The following SLC4A7 variants were observed in gnomAD, a reference collection of about 807,000 sequenced individuals.
The protein encoded by SLC4A7 is solute carrier family 4 member 7, also known as sodium bicarbonate cotransporter 3.
A neutral mutation model predicts 137.6 loss-of-function variants in SLC4A7; 51 were observed. That is an observed-to-expected ratio of 0.37 (90% CI 0.30 to 0.47). SLC4A7 has a LOEUF of 0.47. Ranked by LOEUF, SLC4A7 falls within the 20% of genes least tolerant of loss-of-function variation. SLC4A7 has a pLI of 1.00. For synonymous variants in SLC4A7, 542 were observed against 518.6 expected (o/e 1.05, Z -0.61); for missense variants, 1,247 against 1,525.4 (o/e 0.82, Z 3.04).
intron 7 of SLC4A7, among the ~76,000 whole-genome samples, chr3:27,425,370 TAAAAAA>T (rs56153970): frequency 0.03 from 1,737 of 57,014 alleles, 47 homozygotes; most frequent in African/African-American, 0.11. Flanking sequence ...AACTCCGTCC[TAAAAAA>T]AAAAAAAAAA....
chr3:27,388,884 G>A (rs1263235128), intron 22 of SLC4A7, among the ~76,000 whole-genome samples: 2 of 113,184 alleles, frequency 1.8e-5, no homozygotes, highest in Non-Finnish European at 4.8e-5. Context: ...AGCCTAAAAT[G>A]TTTACTATCT....
intron 5 of SLC4A7, among the ~76,000 whole-genome samples, chr3:27,434,843 C>T (rs13327052): frequency 3.6e-4 from 54 of 151,932 alleles, no homozygotes; most frequent in African/African-American, 1.2e-3. Context: ...AAAAAAAACC[C>T]TGGAAGGACC....
At chr3:27,397,907 T>G in intron 17 of SLC4A7, 110 bp from the exon 18 acceptor site, 1 of 662,210 alleles carries the variant, frequency 1.5e-6, no homozygotes, top group South Asian at 2.1e-5. Flanking sequence ...AAATGGAGCT[T>G]TTAACTAGTG....
chr3:27,432,146 TTAAG>T (rs1431591750), intron 6 of SLC4A7, among the ~76,000 whole-genome samples: 2 of 152,176 alleles, frequency 1.3e-5, no homozygotes, highest in African/African-American at 4.8e-5. Context: ...CATGTTAACA[TTAAG>T]TAATAATTTC....
chr3:27,448,456 A>G (rs1287280740), intron 3 of SLC4A7, among the ~76,000 whole-genome samples, 195 bp downstream of exon 3: 3 of 151,952 alleles, frequency 2.0e-5, no homozygotes, highest in Admixed American at 2.0e-4. Flanking sequence ...CTTGACCTAT[A>G]AAGATTTTTC....
chr3:27,438,934 G>T (rs187315037), intron 3 of SLC4A7, among the ~76,000 whole-genome samples: 49 of 152,292 alleles, frequency 3.2e-4, no homozygotes, highest in Admixed American at 1.5e-3. Flanking sequence ...CCCACTCATG[G>T]CGTCTGAAAT....
rs539466491 is a variant in SLC4A7 at position 27,400,977 on chromosome 3, T to A, written c.2322-108A>T. ...GATTTTAACTTCTTTTTTTCCCACA[T>A]TGAGAAGCATGGAGACTAGAAAGTG... On this transcript the variant is annotated intron_variant, in intron 15 of 25. Coordinates refer to ENST00000454389, the MANE Select transcript of SLC4A7 (RefSeq NM_001321103.2). 88 of 620,102 alleles carry A rather than the reference T, an allele frequency of 1.4e-4. 2 individuals are homozygous for A. The South Asian group carries it at 2.0e-3, about 14-fold the overall frequency. The allele number at this position is 620,102 out of a possible 1,614,324, so 38.4% of individuals were successfully genotyped here.
chr3:27,399,640 C>G (rs2052553201), intron 16 of SLC4A7, among the ~76,000 whole-genome samples: 1 of 147,088 alleles, frequency 6.8e-6, no homozygotes, highest in Admixed American at 6.7e-5. Flanking sequence ...CTATGTTGCC[C>G]AGGCTGGTCT....
chr3:27,431,686 A>G lies in SLC4A7; in HGVS notation c.779-17T>C, dbSNP rs1559751469. On this transcript the variant is annotated splice_polypyrimidine_tract_variant and intron_variant, in intron 6 of 25. Transcript: ENST00000454389. ...GGCCTTCCCCTGAGATAAAACAAAT[A>G]AATGAAAAATGATGAAGTCCACTGC... The G allele has an allele frequency of 6.6e-7, 1 of 1,510,400 alleles. No individual in the cohort carries two copies. Among genetic ancestry groups the G allele is most frequent in the Non-Finnish European group, 8.9e-7 (1 of 1,129,662 alleles). The allele number at this position is 1,510,400 out of a possible 1,614,324, so 93.6% of individuals were successfully genotyped here.
At chr3:27,423,615 A>G (rs892402290) in intron 8 of SLC4A7, 7 of 154,606 alleles carry the variant, frequency 4.5e-5, no homozygotes, top group African/African-American at 1.7e-4. Flanking sequence ...ACCATAAGAC[A>G]GTAATTCTGG....
chr3:27,466,127 G>A (rs1485911228), intron 1 of SLC4A7, among the ~76,000 whole-genome samples: 1 of 152,016 alleles, frequency 6.6e-6, no homozygotes, highest in Non-Finnish European at 1.5e-5. Context: ...ACAAAGCAGA[G>A]GGCCCATGTT....
chr3:27,464,680 G>A (rs936155970), intron 1 of SLC4A7, among the ~76,000 whole-genome samples: 44 of 151,926 alleles, frequency 2.9e-4, no homozygotes, highest in African/African-American at 9.2e-4. Flanking sequence ...GCAACAGAGC[G>A]GGACTCCGTC....
At chr3:27,401,190 C>T (rs2052709555) in intron 15 of SLC4A7, 1 of 206,616 alleles carries the variant, frequency 4.8e-6, no homozygotes, top group South Asian at 9.5e-5. Context: ...AGCTTATCTA[C>T]TCAACCTCCA....
intron 1 of SLC4A7, chr3:27,462,576 T>G (rs1259928968): frequency 6.5e-6 from 1 of 152,892 alleles, no homozygotes; most frequent in Non-Finnish European, 1.5e-5. Context: ...CCGAAGATGA[T>G]GTGTGCTGGC....
rs554991817 is a variant in SLC4A7 at position 27,467,782 on chromosome 3, T to C, written c.61-15284A>G. ...CATCTAGTGGTTATGATTAGAACCA[T>C]GGAATTTTTCTCTCATGCTGTGATT... On this transcript the variant is annotated intron_variant, in intron 1 of 25. Transcript: ENST00000454389. Among the ~76,000 whole-genome samples the C allele has an allele frequency of 2.0e-5, 3 of 152,322 alleles. No homozygotes were observed. In the East Asian group the frequency reaches 5.8e-4, roughly 29 times the overall value.
In SLC4A7 at chr3:27,443,017, CTTTTTTCT is replaced by C. The variant is rs1374912845; in HGVS notation, c.290-5499_290-5492del. On this transcript the variant is annotated intron_variant, in intron 3 of 25. Coordinates refer to ENST00000454389, the MANE Select transcript of SLC4A7 (RefSeq NM_001321103.2). The stretch of plus-strand genomic sequence containing the variant: ...CATTAGCCACCGCGCTGGGCATTCT[CTTTTTTCT>C]TTTTTTCTTTTTTTTTTTTTTTTTG... 5.2e-3 allele frequency among the ~76,000 whole-genome samples: 646 copies of C among 124,214 alleles called. 6 individuals carry two copies. The highest frequency in any genetic ancestry group is 0.018 in the African/African-American group (540 of 30,452). The allele number at this position is 124,214 out of a possible 152,430, so 81.5% of individuals were successfully genotyped here.
At chr3:27,436,362 T>A (rs1009538285) in intron 5 of SLC4A7, 26 bp downstream of exon 5, 2 of 1,578,098 alleles carry the variant, frequency 1.3e-6, no homozygotes, top group African/African-American at 2.7e-5. Context: ...ACCTTACATA[T>A]TTTTTAAAAG....
chr3:27,386,810 C>T (rs1045963026), intron 22 of SLC4A7, among the ~76,000 whole-genome samples: 20 of 152,118 alleles, frequency 1.3e-4, no homozygotes, highest in Non-Finnish European at 2.5e-4. Context: ...TTATACAATA[C>T]TCTTTTACAT....
chr3:27,484,219 C>T lies in SLC4A7; in HGVS notation c.-93G>A, dbSNP rs2059846349. ...GCCCCTGCCGCCGCCGCCGAGCCCC[C>T]GGCGCGCGAGGACAAACGTGGGTGC... On this transcript the variant is annotated 5_prime_UTR_variant, in exon 1 of 26. Coordinates refer to ENST00000454389, the MANE Select transcript of SLC4A7 (RefSeq NM_001321103.2). 4.6e-6 allele frequency: 5 copies of T among 1,086,830 alleles called. No homozygotes were observed. Among genetic ancestry groups the T allele is most frequent in the Non-Finnish European group, 5.8e-6 (5 of 858,596 alleles). The allele number at this position is 1,086,830 out of a possible 1,614,324, so 67.3% of individuals were successfully genotyped here.
Sources: allele counts gnomAD v4.1 joint callset (sites outside exome capture counted in the v4.1 genomes callset), GRCh38; gene constraint gnomAD v4.1.1; transcripts MANE v1.5; gene names NCBI Gene and HGNC (gene_info 2026-07-23, HGNC 2026-07-21).